GLYATL2: variants seen among roughly 807,000 people sequenced by gnomAD.
GLYATL2 encodes glycine-N-acyltransferase like 2.
GLYATL2 carries 25 observed loss-of-function variants against 21.4 expected under a neutral mutation model. The observed-to-expected ratio is 1.17, with a 90% confidence interval of 0.85 to 1.63. The LOEUF is 1.63. Ranked by LOEUF, GLYATL2 falls within the 40% of genes most tolerant of loss-of-function variation. The pLI is 0.00. For missense variants in GLYATL2, 361 were observed against 343.3 expected (o/e 1.05, Z -0.41); for synonymous variants, 114 against 118.2 (o/e 0.96, Z 0.23).
chr11:58,890,930 C>G (rs1017744713), intron 1 of GLYATL2, among the ~76,000 whole-genome samples: 15 of 151,896 alleles, frequency 9.9e-5, no homozygotes, highest in African/African-American at 3.6e-4. Flanking sequence ...GTCTTGTTCT[C>G]CATTTCATTA....
intron 1 of GLYATL2, among the ~76,000 whole-genome samples, chr11:58,880,722 A>C (rs1854318788): frequency 2.0e-5 from 3 of 152,228 alleles, no homozygotes; most frequent in Non-Finnish European, 4.4e-5. Flanking sequence ...GGATAGACTC[A>C]TGTCAGAGAT....
chr11:58,836,211 A>G (rs1853428331), intron 5 of GLYATL2, among the ~76,000 whole-genome samples: 1 of 152,162 alleles, frequency 6.6e-6, no homozygotes, highest in Non-Finnish European at 1.5e-5. Context: ...TATTATATAC[A>G]TTGTTCTATC....
upstream of GLYATL2, chr11:58,907,181 T>C (rs1259848084): frequency 3.3e-5 from 15 of 452,354 alleles, no homozygotes; most frequent in East Asian, 1.0e-3. Context: ...AGTTGAATAC[T>C]TTAGGGGAAA....
At chr11:58,868,998 C>T (rs1045074188) in intron 1 of GLYATL2, among the ~76,000 whole-genome samples, 5 of 130,046 alleles carry the variant, frequency 3.8e-5, no homozygotes, top group African/African-American at 1.0e-4. Context: ...TGTGTGTGTC[C>T]AGGCAAGTGA....
intron 1 of GLYATL2, among the ~76,000 whole-genome samples, chr11:58,886,021 C>G (rs1854433174): frequency 6.6e-6 from 1 of 152,244 alleles, no homozygotes; most frequent in Admixed American, 6.5e-5. Flanking sequence ...TTGAGACCAG[C>G]CTGTGCAACA....
chr11:58,843,543 G>T (rs1464625016), intron 1 of GLYATL2, among the ~76,000 whole-genome samples: 1 of 152,024 alleles, frequency 6.6e-6, no homozygotes, highest in Non-Finnish European at 1.5e-5. Flanking sequence ...TAGCAAAAAA[G>T]ATAAGGTACA....
chr11:58,847,472 G>T (rs1943290), upstream of GLYATL2, among the ~76,000 whole-genome samples: 134,971 of 152,206 alleles, frequency 0.89, 61,026 homozygotes, highest in Non-Finnish European at 0.98. Context: ...CCCACTGCCC[G>T]GAAAGGTGAG....
chr11:58,872,350 G>C (rs1337519674), intron 1 of GLYATL2, among the ~76,000 whole-genome samples: 2 of 152,184 alleles, frequency 1.3e-5, no homozygotes, highest in South Asian at 2.1e-4. Context: ...TAGACATGAA[G>C]TCCTTGCCCA....
rs377570525 is a variant in GLYATL2, at chr11:58,837,483, T to C, written c.187-86A>G. 1.9e-4 allele frequency: 243 copies of C among 1,273,172 alleles called. 3 individuals carry two copies. Among genetic ancestry groups the C allele is most frequent in the African/African-American group, 3.3e-4 (22 of 67,264 alleles). 78.9% of individuals were successfully genotyped at this position (1,273,172 alleles called of 1,614,324 possible). A position where few individuals can be genotyped will look rare whatever the true frequency, so the allele number is the denominator to read the frequency against. On this transcript the variant is annotated intron_variant, in intron 3 of 5. Transcript: ENST00000287275. ...TAGGTCTAGAGTGCTAGAGATTCAATTGTTTGAAATATTCTGTTTTTCTGA... is the reference window on the plus strand; with the variant it reads ...TAGGTCTAGAGTGCTAGAGATTCAACTGTTTGAAATATTCTGTTTTTCTGA...
Position 58,834,651 on chromosome 11 carries a change from AC to A in GLYATL2, c.662del (p.Cys221LeufsTer3). ...GGACAGTATAACCCATTCTCAACTC[AC>A]AGGACTGTTCCATCACAATCCAAGA... ...LVSWIVMEQS[C>X]ELRMGYTVPK... On this transcript the variant is annotated frameshift_variant, in exon 6 of 6. Coordinates refer to ENST00000287275, the MANE Select transcript of GLYATL2 (RefSeq NM_145016.4). LOFTEE classifies it low-confidence loss of function (END_TRUNC). 1 of 1,613,342 alleles carries A rather than the reference AC, an allele frequency of 6.2e-7. No individual in the cohort carries two copies. The highest frequency in any genetic ancestry group is 8.5e-7 in the Non-Finnish European group (1 of 1,179,794).
rs113839877 is a variant in GLYATL2 at position 58,887,129 on chromosome 11, C to T, written n.60+17027G>A. On this transcript the variant is annotated intron_variant and non_coding_transcript_variant, in intron 1 of 4. Transcript: ENST00000533636. ...GTAGTTATTATGTGTATTTTACCAA[C>T]GTAACTATAGCACCAAACCATAACT... is the stretch of plus-strand genomic sequence containing the variant. Among the ~76,000 whole-genome samples, 1,414 of 152,270 alleles carry T rather than the reference C, an allele frequency of 9.3e-3. 8 individuals carry two copies. The highest frequency in any genetic ancestry group is 0.016 in the Non-Finnish European group (1,060 of 68,024).
At chr11:58,894,994 G>A (rs911503625) in intron 1 of GLYATL2, among the ~76,000 whole-genome samples, 4 of 152,204 alleles carry the variant, frequency 2.6e-5, no homozygotes, top group African/African-American at 7.2e-5. Context: ...AAGACAAAGC[G>A]AATAAAATTT....
At chr11:58,848,700 A>T (rs1853686782), upstream of GLYATL2, among the ~76,000 whole-genome samples, 1 of 152,200 alleles carries the variant, frequency 6.6e-6, no homozygotes, top group African/African-American at 2.4e-5. Flanking sequence ...ACACATCTAC[A>T]GGTTATAGAA....
At position 58,834,569 on chromosome 11, in the gene GLYATL2, G is replaced by T. The variant is rs1853391125; in HGVS notation, c.745C>A (p.Leu249Ile). The T allele has an allele frequency of 6.2e-7, 1 of 1,613,946 alleles. No individual in the cohort carries two copies. Among genetic ancestry groups the T allele is most frequent in the Non-Finnish European group, 8.5e-7 (1 of 1,179,916 alleles). Residue 249 changes from leucine to isoleucine, a missense_variant, in exon 6 of 6, where the codon CTT (leucine) becomes ATT (isoleucine). By Grantham distance (5) the Leu-to-Ile change is conservative. Coordinates refer to ENST00000287275, the MANE Select transcript of GLYATL2 (RefSeq NM_145016.4). ...TAAAATGGGATTTCTTTCTGAGAAA[G>T]ATACTTTTCAAGATGATAACCAATT... ...LQIGYHLEKY[L>I]SQKEIPFYFH...
At chr11:58,864,134 C>T (rs519310) in intron 1 of GLYATL2, among the ~76,000 whole-genome samples, 1 of 152,086 alleles carries the variant, frequency 6.6e-6, no homozygotes, top group African/African-American at 2.4e-5. Flanking sequence ...GCTAGCCTGG[C>T]GCTAGGCAGT....
At chr11:58,872,218 C>G (rs1251208128) in intron 1 of GLYATL2, among the ~76,000 whole-genome samples, 1 of 152,140 alleles carries the variant, frequency 6.6e-6, no homozygotes, top group Non-Finnish European at 1.5e-5. Flanking sequence ...CGAAAATTTT[C>G]TCCCATTCTG....
chr11:58,844,103 A>AT lies in GLYATL2; in HGVS notation c.-41+330dup, dbSNP rs138811413. On this transcript the variant is annotated intron_variant, in intron 1 of 5. Transcript: ENST00000287275. ...AGGATTGGAGGCAAGGAGAATATTGATTTTTTTTTTCTGCTAACAGTATTA... is the reference window on the plus strand; with the variant it reads ...AGGATTGGAGGCAAGGAGAATATTGATTTTTTTTTTTCTGCTAACAGTATTA... Among the ~76,000 whole-genome samples, 309 of 150,832 alleles carry AT rather than the reference A, an allele frequency of 2.0e-3. 1 individual carries two copies. Among genetic ancestry groups the AT allele is most frequent in the East Asian group, 0.012 (64 of 5,134 alleles).
intron 1 of GLYATL2, among the ~76,000 whole-genome samples, chr11:58,872,938 G>A (rs1009131933): frequency 1.6e-4 from 25 of 152,132 alleles, no homozygotes; most frequent in African/African-American, 4.8e-4. Flanking sequence ...TCTTCCATTC[G>A]TTTGTATCCT....
At position 58,837,254 on chromosome 11, in the gene GLYATL2, T is replaced by C. The variant is rs1178594342; in HGVS notation, c.313+17A>G. On this transcript the variant is annotated intron_variant, in intron 4 of 5. Transcript: ENST00000287275. ...GAATAAACCATGGATCTTTTTCTTT[T>C]AACTCAGACTAGTTACCTTGGATCT... 2.5e-6 allele frequency: 4 copies of C among 1,613,298 alleles called. No homozygotes were observed. Among genetic ancestry groups the C allele is most frequent in the South Asian group, 1.1e-5 (1 of 90,906 alleles).
Sources: allele counts gnomAD v4.1 joint callset (sites outside exome capture counted in the v4.1 genomes callset), GRCh38; gene constraint gnomAD v4.1.1; transcripts MANE v1.5; gene names NCBI Gene and HGNC (gene_info 2026-07-23, HGNC 2026-07-21).